FSTL4: variants seen among roughly 807,000 people sequenced by gnomAD.
FSTL4 encodes the protein follistatin-related protein 4.
FSTL4 carries 28 observed loss-of-function variants against 78.2 expected under a neutral mutation model. That is an observed-to-expected ratio of 0.36 (90% CI 0.27 to 0.49). FSTL4 has a LOEUF of 0.49. Among genes scored for constraint, FSTL4 ranks in the 20% least tolerant of loss-of-function variants. The pLI, the probability that FSTL4 is intolerant of heterozygous loss-of-function variation, is 0.98. For missense variants in FSTL4, 922 were observed against 1,084.9 expected (o/e 0.85, Z 2.11); for synonymous variants, 422 against 440.5 (o/e 0.96, Z 0.53).
chr5:133,830,343 G>T, the FSTL4 span, among the ~76,000 whole-genome samples: 2 of 152,170 alleles, frequency 1.3e-5, no homozygotes, highest in African/African-American at 4.8e-5. Flanking sequence ...TGTACCTAGG[G>T]GTGCTGCCCA....
At chr5:133,822,248 A>G in the FSTL4 span, among the ~76,000 whole-genome samples, 1 of 152,160 alleles carries the variant, frequency 6.6e-6, no homozygotes, top group Non-Finnish European at 1.5e-5. Flanking sequence ...CCATTTGTGG[A>G]GCTATTTCAA....
chr5:133,639,153 T>A, the FSTL4 span, among the ~76,000 whole-genome samples: 1 of 152,084 alleles, frequency 6.6e-6, no homozygotes, highest in African/African-American at 2.4e-5. Context: ...CAGGCCCCAG[T>A]GTGTGTTGTT....
intron 6 of FSTL4, among the ~76,000 whole-genome samples, chr5:133,299,851 C>T (rs1753492491): frequency 6.6e-6 from 1 of 152,164 alleles, no homozygotes; most frequent in Non-Finnish European, 1.5e-5. Context: ...CTTTGAACTG[C>T]ATGGAATACA....
the FSTL4 span, among the ~76,000 whole-genome samples, chr5:133,691,881 C>G: frequency 1.3e-5 from 2 of 152,216 alleles, no homozygotes; most frequent in Non-Finnish European, 2.9e-5. Context: ...CCACCTGGAG[C>G]TGTATCTTCA....
At position 133,611,079 on chromosome 5, in the gene FSTL4, G is replaced by A. The variant is rs1158388064; in HGVS notation, c.-11+1246C>T. 6.6e-6 allele frequency among the ~76,000 whole-genome samples: 1 copy of A among 152,172 alleles called. No individual in the cohort carries two copies. Among genetic ancestry groups the A allele is most frequent in the Non-Finnish European group, 1.5e-5 (1 of 68,016 alleles). On this transcript the variant is annotated intron_variant, in intron 1 of 15. Transcript: ENST00000265342. This position sits in a 1 kb window ranked among gnomAD's most constrained non-coding sequence, Gnocchi z 4.9. ...CGGCGCTGTTTTTCACTGGAGGAAAGCTCGGCGGAAGCGACACCTAGAGGG... is the reference window on the plus strand; with the variant it reads ...CGGCGCTGTTTTTCACTGGAGGAAAACTCGGCGGAAGCGACACCTAGAGGG...
the FSTL4 span, among the ~76,000 whole-genome samples, chr5:133,670,379 G>A: frequency 1.3e-5 from 2 of 152,244 alleles, no homozygotes; most frequent in African/African-American, 4.8e-5. Flanking sequence ...GTCTTCAGAA[G>A]TAGCCATGGA....
At chr5:133,828,323 T>C in the FSTL4 span, among the ~76,000 whole-genome samples, 2 of 152,230 alleles carry the variant, frequency 1.3e-5, no homozygotes, top group African/African-American at 4.8e-5. Flanking sequence ...ATGTGCCTAG[T>C]GGATCCTAAA....
chr5:133,743,549 A>G, the FSTL4 span, among the ~76,000 whole-genome samples: 1 of 152,290 alleles, frequency 6.6e-6, no homozygotes, highest in South Asian at 2.1e-4. Flanking sequence ...GAAGATAACA[A>G]TTTCAGGGAT....
chr5:133,288,969 T>C (rs1159390465), intron 6 of FSTL4, among the ~76,000 whole-genome samples: 1 of 152,150 alleles, frequency 6.6e-6, no homozygotes, highest in East Asian at 1.9e-4. Context: ...TGCTGTGCCA[T>C]CCTCCCGTCT....
chr5:133,513,947 G>A (rs1430816685), intron 3 of FSTL4, among the ~76,000 whole-genome samples: 1 of 152,156 alleles, frequency 6.6e-6, no homozygotes, highest in Non-Finnish European at 1.5e-5. Flanking sequence ...GGGAGGCCAA[G>A]GCCGGTGGAT....
At chr5:133,421,282 T>A (rs955867451) in intron 3 of FSTL4, among the ~76,000 whole-genome samples, 2 of 152,252 alleles carry the variant, frequency 1.3e-5, no homozygotes, top group African/African-American at 4.8e-5. Context: ...GAACACATCC[T>A]GGTACAGGGG....
chr5:133,618,295 C>T, the FSTL4 span, among the ~76,000 whole-genome samples: 1 of 152,120 alleles, frequency 6.6e-6, no homozygotes, highest in Non-Finnish European at 1.5e-5. Context: ...GTAACTAAAC[C>T]TGTGGAAAGT....
chr5:133,549,510 T>C (rs994983187), intron 3 of FSTL4, among the ~76,000 whole-genome samples: 26 of 152,228 alleles, frequency 1.7e-4, no homozygotes, highest in Admixed American at 6.5e-4. Flanking sequence ...CACAGTTTTT[T>C]AAATGTTAAT....
At chr5:133,286,843 C>T (rs1032242328) in intron 6 of FSTL4, among the ~76,000 whole-genome samples, 2 of 152,218 alleles carry the variant, frequency 1.3e-5, no homozygotes, top group Non-Finnish European at 2.9e-5. Flanking sequence ...TTTTAAGACA[C>T]ACTGATCGCC....
chr5:133,269,658 ATGGTCCTTTGTC>A (rs1752726155), intron 6 of FSTL4, among the ~76,000 whole-genome samples: 3 of 152,264 alleles, frequency 2.0e-5, no homozygotes, highest in South Asian at 4.1e-4. Flanking sequence ...CTCACTAGAG[ATGGTCCTTTGTC>A]TGGTCCTTTG....
At chr5:133,263,789 G>C (rs971908025) in intron 6 of FSTL4, among the ~76,000 whole-genome samples, 1 of 152,154 alleles carries the variant, frequency 6.6e-6, no homozygotes, top group Non-Finnish European at 1.5e-5. Context: ...TAGAGAGGGA[G>C]AATTGTATGC....
chr5:133,215,582 G>A (rs532804478), intron 13 of FSTL4, among the ~76,000 whole-genome samples: 1 of 152,126 alleles, frequency 6.6e-6, no homozygotes, highest in Admixed American at 6.5e-5. Flanking sequence ...CTTGCCTGAA[G>A]TCTCTTCTCT....
chr5:133,583,117 A>T, intron 2 of FSTL4: 1 of 361,480 alleles, frequency 2.8e-6, no homozygotes, highest in East Asian at 8.8e-5. Flanking sequence ...TCTCAGCAGC[A>T]GCCCTGCTGC....
intron 3 of FSTL4, among the ~76,000 whole-genome samples, chr5:133,505,156 C>G (rs576856936): frequency 3.3e-5 from 5 of 152,046 alleles, no homozygotes; most frequent in Non-Finnish European, 5.9e-5. Flanking sequence ...AGAATAATAA[C>G]AAAGACTATT....
Sources: allele counts gnomAD v4.1 joint callset (sites outside exome capture counted in the v4.1 genomes callset), GRCh38; gene constraint gnomAD v4.1.1; non-coding constraint Gnocchi (gnomAD v3.1); transcripts MANE v1.5; gene names NCBI Gene and HGNC (gene_info 2026-07-23, HGNC 2026-07-21).